The following EPHA6 variants were observed in gnomAD, a reference collection of about 807,000 sequenced individuals.
EPHA6 encodes the protein EPH receptor A6, also known as ephrin type-A receptor 6.
EPHA6 carries 50 observed loss-of-function variants against 112.0 expected under a neutral mutation model. The observed-to-expected ratio is 0.45, with a 90% CI of 0.36 to 0.56. The LOEUF is 0.56. EPHA6 is among the 20% of genes least tolerant of loss of function. EPHA6 has a pLI of 0.00. For missense variants in EPHA6, 1,280 were observed against 1,417.4 expected (o/e 0.90, Z 1.56); for synonymous variants, 529 against 490.7 (o/e 1.08, Z -1.03).
At chr3:97,379,339 T>C (rs553335666) in intron 5 of EPHA6, among the ~76,000 whole-genome samples, 1 of 152,296 alleles carries the variant, frequency 6.6e-6, no homozygotes, top group South Asian at 2.1e-4. Flanking sequence ...CAATGACTAA[T>C]CAGAAATGCT....
At chr3:97,478,706 G>A (rs761583389) in intron 8 of EPHA6, among the ~76,000 whole-genome samples, 79 of 152,038 alleles carry the variant, frequency 5.2e-4, no homozygotes, top group Non-Finnish European at 8.4e-4. Context: ...CATAGAATTC[G>A]AGGCAAAATT....
intron 3 of EPHA6, among the ~76,000 whole-genome samples, chr3:97,211,091 A>C (rs1400954119): frequency 6.6e-6 from 1 of 152,232 alleles, no homozygotes; most frequent in Non-Finnish European, 1.5e-5. Flanking sequence ...AAATCATATA[A>C]AGTCACTTCT....
chr3:97,335,246 T>C (rs2083003412), intron 5 of EPHA6, among the ~76,000 whole-genome samples: 1 of 152,170 alleles, frequency 6.6e-6, no homozygotes, highest in South Asian at 2.1e-4. Context: ...TTTTTTTCTT[T>C]CTGTCTCTAG....
At chr3:97,321,068 A>G (rs1318233201) in intron 5 of EPHA6, among the ~76,000 whole-genome samples, 1 of 151,976 alleles carries the variant, frequency 6.6e-6, no homozygotes, top group Non-Finnish European at 1.5e-5. Context: ...GATTTCATCT[A>G]AGATTCATCA....
chr3:97,114,366 G>T (rs1264255899), intron 3 of EPHA6, among the ~76,000 whole-genome samples: 1 of 151,968 alleles, frequency 6.6e-6, no homozygotes. Flanking sequence ...CAGCAAATAT[G>T]GCTAAATTTA....
chr3:96,879,756 A>G (rs989098408), intron 2 of EPHA6, among the ~76,000 whole-genome samples: 12 of 151,786 alleles, frequency 7.9e-5, no homozygotes, highest in African/African-American at 2.9e-4. Flanking sequence ...ATTTTGTTTC[A>G]TTGTTGTAGC....
At chr3:97,246,754 A>G (rs2078998307) in intron 5 of EPHA6, among the ~76,000 whole-genome samples, 2 of 151,932 alleles carry the variant, frequency 1.3e-5, no homozygotes, top group South Asian at 4.1e-4. Context: ...AGCCTTAAAT[A>G]TAAGCATCTA....
At chr3:97,201,580 A>AAT (rs1559794517) in intron 3 of EPHA6, among the ~76,000 whole-genome samples, 1 of 152,110 alleles carries the variant, frequency 6.6e-6, no homozygotes, top group Non-Finnish European at 1.5e-5. Flanking sequence ...CATCTCTACA[A>AAT]AATAATATTA....
chr3:97,424,511 A>C (rs1247319802), intron 6 of EPHA6, among the ~76,000 whole-genome samples: 1 of 152,098 alleles, frequency 6.6e-6, no homozygotes, highest in Non-Finnish European at 1.5e-5. Flanking sequence ...GAAAAATCAA[A>C]AGCAAATTAG....
chr3:97,680,463 C>T (rs900495056), intron 14 of EPHA6, among the ~76,000 whole-genome samples: 1 of 152,148 alleles, frequency 6.6e-6, no homozygotes, highest in Non-Finnish European at 1.5e-5. Flanking sequence ...TCTAATGTCA[C>T]TTTTATTTGT....
At chr3:97,492,785 A>G (rs1036526488) in intron 10 of EPHA6, among the ~76,000 whole-genome samples, 1 of 151,948 alleles carries the variant, frequency 6.6e-6, no homozygotes, top group Non-Finnish European at 1.5e-5. Flanking sequence ...TGAATTAGGC[A>G]TTTAGATATA....
At chr3:96,879,163 T>C (rs1193261966) in intron 2 of EPHA6, among the ~76,000 whole-genome samples, 2 of 152,210 alleles carry the variant, frequency 1.3e-5, no homozygotes, top group East Asian at 3.9e-4. Flanking sequence ...AGGGAAACTA[T>C]GAATGTTACT....
At chr3:97,068,445 G>C (rs938435223) in intron 3 of EPHA6, among the ~76,000 whole-genome samples, 5 of 152,068 alleles carry the variant, frequency 3.3e-5, no homozygotes, top group African/African-American at 1.2e-4. Flanking sequence ...GAAGCTGAAG[G>C]CCTGAAATAT....
intron 3 of EPHA6, among the ~76,000 whole-genome samples, chr3:97,045,106 TG>T (rs148895087): frequency 1.6e-3 from 248 of 152,196 alleles, no homozygotes; most frequent in African/African-American, 5.5e-3. Flanking sequence ...TAGTTAAATA[TG>T]GATGCAAATA....
At chr3:97,439,939 C>T (rs1023402426) in intron 6 of EPHA6, among the ~76,000 whole-genome samples, 1 of 152,032 alleles carries the variant, frequency 6.6e-6, no homozygotes, top group Admixed American at 6.6e-5. Flanking sequence ...GTAGGTACAC[C>T]TTATGTTAAA....
chr3:97,723,949 A>C (rs1455892252), intron 15 of EPHA6, among the ~76,000 whole-genome samples: 1 of 152,184 alleles, frequency 6.6e-6, no homozygotes, highest in Non-Finnish European at 1.5e-5. Context: ...AATACTGGCT[A>C]TTCCCTATCT....
intron 2 of EPHA6, among the ~76,000 whole-genome samples, chr3:96,965,904 C>T (rs898392238): frequency 2.3e-4 from 35 of 151,986 alleles, no homozygotes; most frequent in Admixed American, 1.3e-4. Flanking sequence ...AATAGTTGCA[C>T]TGTGATTTTG....
chr3:97,632,282 A>G (rs1380877747), intron 13 of EPHA6, among the ~76,000 whole-genome samples: 1 of 152,062 alleles, frequency 6.6e-6, no homozygotes, highest in African/African-American at 2.4e-5. Context: ...GTGAATATCT[A>G]TTAAATATCC....
chr3:97,261,635 A>AT (rs1269527024), intron 5 of EPHA6, among the ~76,000 whole-genome samples: 2 of 152,120 alleles, frequency 1.3e-5, no homozygotes, highest in Admixed American at 1.3e-4. Context: ...TGACCTAATG[A>AT]TTTTTAGTGG....
Sources: allele counts gnomAD v4.1 joint callset (sites outside exome capture counted in the v4.1 genomes callset), GRCh38; gene constraint gnomAD v4.1.1; transcripts MANE v1.5; gene names NCBI Gene and HGNC (gene_info 2026-07-23, HGNC 2026-07-21).